Variants in DGKK observed in about 807,000 individuals in gnomAD.
The protein encoded by DGKK is 142 kDa diacylglycerol kinase.
Under a neutral mutation model 92.2 loss-of-function variants are expected in DGKK, and 35 were observed. The ratio of observed to expected loss-of-function variants is 0.38; its 90% CI spans 0.29 to 0.50. The LOEUF is 0.50. Ranked by LOEUF, DGKK falls within the 20% of genes least tolerant of loss-of-function variation. The pLI, the probability that DGKK is intolerant of heterozygous loss-of-function variation, is 0.92. For synonymous variants in DGKK, 368 were observed against 360.6 expected, an observed-to-expected ratio of 1.02 and a Z score of -0.23; for missense variants, 910 against 992.2, an observed-to-expected ratio of 0.92 and a Z score of 1.11.
Position 50,456,700 on chromosome X carries a change from G to T in DGKK, c.645+13334C>A, listed in dbSNP as rs189585651. ...TTTTATTAAAATTAACTATGTTCAT[G>T]ACTGAAGACTAGTAATTCAAGACCA... On this transcript the variant is annotated intron_variant, in intron 1 of 27. Transcript: ENST00000611977. Among the ~76,000 whole-genome samples the T allele has an allele frequency of 2.8e-3, 311 of 111,561 alleles. 4 individuals carry two copies. Among genetic ancestry groups the T allele is most frequent in the African/African-American group, 9.6e-3 (295 of 30,711 alleles).
In DGKK at chrX:50,460,314, T is replaced by C. The variant is rs985503845; in HGVS notation, c.645+9720A>G. ...TAGAGACATTTGCTGCAGGAGAAGG[T>C]AAATGAATGAACATCCAGGATTTAG... On this transcript the variant is annotated intron_variant, in intron 1 of 27. Transcript: ENST00000611977. 7.2e-5 allele frequency among the ~76,000 whole-genome samples: 8 copies of C among 111,598 alleles called. No individual in the cohort carries two copies. In the South Asian group the frequency reaches 3.0e-3, roughly 42 times the overall value.
chrX:50,456,523 A>G (rs992106023), intron 1 of DGKK, among the ~76,000 whole-genome samples: 24 of 112,291 alleles, frequency 2.1e-4, no homozygotes, highest in African/African-American at 6.8e-4. Flanking sequence ...AATGGTACTT[A>G]GTTATTTGTT....
intron 4 of DGKK, among the ~76,000 whole-genome samples, chrX:50,408,954 T>TG (rs1301996691): frequency 3.6e-5 from 4 of 111,228 alleles, no homozygotes; most frequent in Non-Finnish European, 7.5e-5. Context: ...GACATGAATT[T>TG]GGGGGGGACT....
At chrX:50,464,256 C>G (rs1170252120) in intron 1 of DGKK, among the ~76,000 whole-genome samples, 10 of 108,229 alleles carry the variant, frequency 9.2e-5, no homozygotes, top group Admixed American at 3.0e-4. Flanking sequence ...ATCCTCTTCA[C>G]CAACACATAT....
chrX:50,383,424 G>A (rs782400380), intron 17 of DGKK, among the ~76,000 whole-genome samples: 8 of 111,331 alleles, frequency 7.2e-5, no homozygotes, highest in African/African-American at 3.3e-5. Flanking sequence ...GCAAGAATGC[G>A]GGTTGGAGAC....
chrX:50,447,795 A>G (rs782395685), intron 1 of DGKK, among the ~76,000 whole-genome samples: 30 of 109,811 alleles, frequency 2.7e-4, no homozygotes, highest in African/African-American at 9.6e-4. Flanking sequence ...TTCTCTTGGG[A>G]AGGAGGGGGA....
intron 1 of DGKK, among the ~76,000 whole-genome samples, chrX:50,446,711 A>G (rs781874051): frequency 3.8e-4 from 42 of 111,550 alleles, no homozygotes; most frequent in African/African-American, 1.2e-3. Flanking sequence ...TTTACAGAGT[A>G]AAAGTTGTAA....
At chrX:50,469,744 G>C (rs782580483) in intron 1 of DGKK, among the ~76,000 whole-genome samples, 22 of 112,635 alleles carry the variant, frequency 2.0e-4, no homozygotes, top group Non-Finnish European at 3.9e-4. Context: ...AGATATTGGC[G>C]CTCACCGCAC....
chrX:50,425,133 G>A (rs1220724197), intron 1 of DGKK, among the ~76,000 whole-genome samples: 1 of 111,172 alleles, frequency 9.0e-6, no homozygotes, highest in Non-Finnish European at 1.9e-5. Context: ...CCAACAAGCT[G>A]GAATCAAATC....
intron 4 of DGKK, among the ~76,000 whole-genome samples, chrX:50,417,873 C>T (rs781933896): frequency 9.0e-6 from 1 of 111,247 alleles, no homozygotes; most frequent in Non-Finnish European, 1.9e-5. Context: ...CACTCTTTAT[C>T]CTGGCATTGA....
intron 13 of DGKK, 73 bp downstream of exon 13, chrX:50,388,454 C>G (rs1273180263): frequency 1.5e-5 from 12 of 782,901 alleles, no homozygotes; most frequent in Non-Finnish European, 1.9e-5. Context: ...CCTCAACACC[C>G]TCAGCTATCA....
In DGKK at chrX:50,386,503, A is replaced by G. The variant is rs377363451; in HGVS notation, c.2202T>C (p.Ala734=). 5 of 1,209,457 alleles carry G rather than the reference A, an allele frequency of 4.1e-6. No homozygotes were observed. The African/African-American group carries it at 7.0e-5, about 17-fold the overall frequency. ...EAAATSAEKS[A]TEYADSSKAD... ...CCTTGCTGCTGTCTGCATATTCTGT[A>G]GCACTTTTTTCAGCAGAAGTAGCTG... is the stretch of plus-strand genomic sequence containing the variant. Residue 734 remains alanine (A), a synonymous_variant, in exon 15 of 28, where the codon GCT becomes GCC. Coordinates refer to ENST00000611977, the MANE Select transcript of DGKK (RefSeq NM_001013742.4).
At chrX:50,390,907 G>A (rs1261034994) in intron 11 of DGKK, among the ~76,000 whole-genome samples, 1 of 111,655 alleles carries the variant, frequency 9.0e-6, no homozygotes, top group Non-Finnish European at 1.9e-5. Flanking sequence ...GACAATGTAA[G>A]CAAGTTATTT....
intron 1 of DGKK, among the ~76,000 whole-genome samples, chrX:50,462,992 C>T (rs782266735): frequency 6.1e-5 from 6 of 98,680 alleles, no homozygotes; most frequent in Non-Finnish European, 1.0e-4. Context: ...CACCACCCCC[C>T]CCACACGCAC....
At chrX:50,431,851 C>T (rs1925897068) in intron 1 of DGKK, among the ~76,000 whole-genome samples, 1 of 111,696 alleles carries the variant, frequency 9.0e-6, no homozygotes, top group Admixed American at 9.5e-5. Context: ...CTGGCTCCAG[C>T]ACTTACTAGC....
rs782329846 is a variant in DGKK, at chrX:50,439,271, C to G, written c.646-14913G>C. On this transcript the variant is annotated intron_variant, in intron 1 of 27. Transcript: ENST00000611977. ...ATATTTATGCAAAACCAATATAGTA[C>G]AGCAAAAAGGAGTGTAGATTTGGAC... Among the ~76,000 whole-genome samples the G allele has an allele frequency of 3.6e-5, 4 of 111,297 alleles. No homozygotes were observed. In the East Asian group the frequency reaches 1.1e-3, roughly 32 times the overall value.
chrX:50,370,987 T>C (rs1557223103), intron 26 of DGKK, among the ~76,000 whole-genome samples: 3 of 112,453 alleles, frequency 2.7e-5, no homozygotes, highest in African/African-American at 9.7e-5. Context: ...ACATATAGTT[T>C]GGTGAGCCTT....
At position 50,470,384 on chromosome X, in the gene DGKK, T is replaced by A. The variant is rs1569545342; in HGVS notation, c.295A>T (p.Thr99Ser). The A allele has an allele frequency of 8.3e-7, 1 of 1,209,311 alleles. No individual in the cohort carries two copies. Among genetic ancestry groups the A allele is most frequent in the South Asian group, 1.8e-5 (1 of 56,674 alleles). Residue 99 changes from threonine (T) to serine (S), a missense_variant, in exon 1 of 28, where the codon ACA becomes TCA. Coordinates refer to ENST00000611977, the MANE Select transcript of DGKK (RefSeq NM_001013742.4). ...GTGGCAGGTTCTGGGGCCGGCTCTG[T>A]GGCAGGTTCTGGGGCCGGTTCTGAG... ...PASEPAPEPA[T>S]EPAPEPATEP...
At chrX:50,420,953 C>G (rs1295944313) in intron 3 of DGKK, among the ~76,000 whole-genome samples, 1 of 111,559 alleles carries the variant, frequency 9.0e-6, no homozygotes, top group African/African-American at 3.3e-5. Context: ...AATACTAAAC[C>G]ATGTACCATC....
Sources: gnomAD v4.1 joint callset for allele counts (sites outside exome capture counted in the v4.1 genomes callset) on GRCh38, gnomAD v4.1.1 for gene constraint, MANE v1.5 for transcripts, NCBI Gene and HGNC (gene_info 2026-07-23, HGNC 2026-07-21) for gene names.